The following MAP3K7 variants were observed in gnomAD, a reference collection of about 807,000 sequenced individuals.
MAP3K7 encodes TGF-beta activated kinase 1.
In MAP3K7, 21 loss-of-function variants were observed where a neutral mutation model predicts 84.8. That is an observed-to-expected ratio of 0.25 (90% CI 0.18 to 0.36). The LOEUF (loss-of-function observed/expected upper bound fraction) is 0.36. MAP3K7 is among the 10% of genes least tolerant of loss of function. MAP3K7 has a pLI of 1.00. For missense variants in MAP3K7, 503 were observed against 747.7 expected (o/e 0.67, Z 3.82); for synonymous variants, 241 against 247.7 (o/e 0.97, Z 0.25).
rs1774889152 is a variant in MAP3K7 at position 90,514,309 on chromosome 6, T to C, written c.*2192A>G. The C allele has an allele frequency of 6.6e-6, 1 of 152,008 alleles. No homozygotes were observed. The highest frequency in any genetic ancestry group is 1.5e-5 in the Non-Finnish European group (1 of 67,948). 9.4% of individuals were successfully genotyped at this position (152,008 alleles called of 1,614,324 possible). ...CTTTTTCTCCCATCTCCAAGGATCATCAGGACTTAAAAGCATGAAATTGAC... is the reference window on the plus strand; with the variant it reads ...CTTTTTCTCCCATCTCCAAGGATCACCAGGACTTAAAAGCATGAAATTGAC... On this transcript the variant is annotated 3_prime_UTR_variant, in exon 17 of 17. Transcript: ENST00000369329.
At chr6:90,547,497 G>A (rs1776042119) in intron 10 of MAP3K7, 110 bp from the exon 11 acceptor site, 1 of 1,211,034 alleles carries the variant, frequency 8.3e-7, no homozygotes, top group Non-Finnish European at 1.2e-6. Context: ...ATCCTGTTCT[G>A]CTCTGAAAGG....
intron 1 of MAP3K7, among the ~76,000 whole-genome samples, chr6:90,580,415 T>G (rs1163837836): frequency 2.0e-5 from 3 of 152,256 alleles, no homozygotes; most frequent in Non-Finnish European, 2.9e-5. Context: ...TCAAACGTGC[T>G]TTCTGAACCG....
Sources: allele counts gnomAD v4.1 joint callset (sites outside exome capture counted in the v4.1 genomes callset), GRCh38; gene constraint gnomAD v4.1.1; transcripts MANE v1.5; gene names NCBI Gene and HGNC (gene_info 2026-07-23, HGNC 2026-07-21).